Variants in SALL3 observed in about 807,000 individuals in gnomAD.
The protein encoded by SALL3 is spalt like transcription factor 3.
In SALL3, 25 loss-of-function variants were observed where a neutral mutation model predicts 66.2. The ratio of observed to expected loss-of-function variants is 0.38; its 90% CI spans 0.28 to 0.53. The LOEUF (loss-of-function observed/expected upper bound fraction) is 0.53, where lower values mean the gene tolerates loss of function less well. Among genes scored for constraint, SALL3 ranks in the 20% least tolerant of loss-of-function variants. The probability of loss-of-function intolerance (pLI) is 0.85; values close to 1 mark genes in which losing one functional copy is unlikely to be tolerated. For missense variants in SALL3, 2,194 were observed against 1,916.5 expected (o/e 1.14, Z -2.70); for synonymous variants, 1,152 against 899.1 (o/e 1.28, Z -5.03).
rs188333899 is a variant in SALL3 at position 78,988,320 on chromosome 18, G to A, written c.83-3754G>A. Among the ~76,000 whole-genome samples the A allele has an allele frequency of 2.0e-4, 30 of 152,268 alleles. No homozygotes were observed. The East Asian group carries it at 5.2e-3, about 26-fold the overall frequency. On this transcript the variant is annotated intron_variant, in intron 1 of 2. Transcript: ENST00000537592. ...TGCTTGTTATAGACAGCACTTAAACGTAAGTAAATAATGTCAGATTGGCAC... is the reference window on the plus strand; with the variant it reads ...TGCTTGTTATAGACAGCACTTAAACATAAGTAAATAATGTCAGATTGGCAC...
Position 78,992,546 on chromosome 18 carries a change from G to A in SALL3, c.555G>A (p.Ala185=), listed in dbSNP as rs1360907679. The change falls in exon 2 of 3, where the codon GCG becomes GCA. Residue 185 remains alanine (A), a synonymous_variant. Coordinates refer to ENST00000537592, the MANE Select transcript of SALL3 (RefSeq NM_171999.4). ...KVAVAQFSQG[A]RAAGGSGAGG... is the part of the protein sequence containing the mutation. ...CGGTGGCGCAGTTCTCGCAGGGCGC[G>A]CGCGCGGCAGGCGGCTCGGGAGCAG... 7 of 1,497,150 alleles carry A rather than the reference G, an allele frequency of 4.7e-6. No homozygotes were observed. The highest frequency in any genetic ancestry group is 6.2e-6 in the Non-Finnish European group (7 of 1,130,460). 92.7% of individuals were successfully genotyped at this position (1,497,150 alleles called of 1,614,324 possible). A position where few individuals can be genotyped will look rare whatever the true frequency, so the allele number is the denominator to read the frequency against.
At chr18:78,984,357 CTAA>C (rs1215762589) in intron 1 of SALL3, among the ~76,000 whole-genome samples, 1 of 152,216 alleles carries the variant, frequency 6.6e-6, no homozygotes, top group Non-Finnish European at 1.5e-5. Context: ...TTTTTCACTT[CTAA>C]TGAGGATATG....
In SALL3 at chr18:78,997,133, C is replaced by G; in HGVS notation, c.3714C>G (p.Ile1238Met). Residue 1238 changes from isoleucine (I) to methionine (M), a missense_variant, in exon 3 of 3, where the codon ATC becomes ATG. By Grantham distance (10) the Ile-to-Met change is conservative. Coordinates refer to ENST00000537592, the MANE Select transcript of SALL3 (RefSeq NM_171999.4). ...NEISVIQNGG[I>M]PQLPVSLGGS... ...TCTCCGTCATCCAGAACGGCGGCAT[C>G]CCCCAGCTCCCCGTGAGTCTTGGGG... is the stretch of plus-strand genomic sequence containing the variant. 6.2e-7 allele frequency: 1 copy of G among 1,614,030 alleles called. No individual in the cohort carries two copies. The highest frequency in any genetic ancestry group is 8.5e-7 in the Non-Finnish European group (1 of 1,180,034).
chr18:78,989,056 C>G (rs1413085411), intron 1 of SALL3, among the ~76,000 whole-genome samples: 1 of 152,106 alleles, frequency 6.6e-6, no homozygotes, highest in East Asian at 1.9e-4. Flanking sequence ...TAAATGGAAG[C>G]TTATTTTACT....
chr18:78,980,905 A>G (rs1225777865), intron 1 of SALL3, among the ~76,000 whole-genome samples: 1 of 152,040 alleles, frequency 6.6e-6, no homozygotes, highest in African/African-American at 2.4e-5. Flanking sequence ...AGGCGAGGAG[A>G]AGGTCGGGGG....
chr18:78,989,579 C>T (rs1914357641), intron 1 of SALL3, among the ~76,000 whole-genome samples: 1 of 152,104 alleles, frequency 6.6e-6, no homozygotes, highest in South Asian at 2.1e-4. Flanking sequence ...TACACATTCC[C>T]TATAAAGAAA....
At chr18:78,988,100 TATTA>T (rs1310859207) in intron 1 of SALL3, among the ~76,000 whole-genome samples, 1 of 152,224 alleles carries the variant, frequency 6.6e-6, no homozygotes, top group African/African-American at 2.4e-5. Context: ...GTTTAGGCCA[TATTA>T]ATTAATGTAA....
Position 78,993,860 on chromosome 18 carries a change from G to C in SALL3, c.1869G>C (p.Ser623=), listed in dbSNP as rs1273724995. ...VGAQASAAPT[S]VDGAPTSLGS... is the part of the protein sequence containing the mutation. ...CGCAGGCTAGCGCTGCACCCACATC[G>C]GTGGACGGCGCACCCACGAGCCTCG... Residue 623 remains serine (S), a synonymous_variant, in exon 2 of 3, where the codon TCG becomes TCC. Coordinates refer to ENST00000537592, the MANE Select transcript of SALL3 (RefSeq NM_171999.4). 2 of 1,562,428 alleles carry C rather than the reference G, an allele frequency of 1.3e-6. No individual in the cohort carries two copies. The highest frequency in any genetic ancestry group is 1.7e-6 in the Non-Finnish European group (2 of 1,155,700).
rs1432424248 is a variant in SALL3, at chr18:78,992,185, A to C, written c.194A>C (p.Asp65Ala). The change falls in exon 2 of 3, where the codon GAC (aspartate) becomes GCC (alanine). Residue 65 changes from aspartate to alanine, a missense_variant. By Grantham distance (126) the Asp-to-Ala change is moderately radical. Coordinates refer to ENST00000537592, the MANE Select transcript of SALL3 (RefSeq NM_171999.4). ...KCCAEFFKWA[D>A]FLEHQRSCTK... ...TGCGCCGAGTTCTTCAAGTGGGCGG[A>C]CTTCCTGGAGCACCAGCGGAGCTGC... The C allele has an allele frequency of 1.4e-5, 22 of 1,610,286 alleles. No individual in the cohort carries two copies. Among genetic ancestry groups the C allele is most frequent in the Non-Finnish European group, 1.8e-5 (21 of 1,179,106 alleles).
At chr18:78,982,269 C>G (rs911581401) in intron 1 of SALL3, among the ~76,000 whole-genome samples, 10 of 152,148 alleles carry the variant, frequency 6.6e-5, no homozygotes, top group Admixed American at 4.6e-4. Flanking sequence ...TGTTGCTGCT[C>G]GAATTTATTT....
intron 1 of SALL3, among the ~76,000 whole-genome samples, chr18:78,981,682 G>A (rs1034575028): frequency 6.6e-6 from 1 of 152,242 alleles, no homozygotes; most frequent in Non-Finnish European, 1.5e-5. Context: ...AGTCAGCCAA[G>A]ATGAGAACAG....
At chr18:78,988,945 A>G (rs1914337943) in intron 1 of SALL3, among the ~76,000 whole-genome samples, 1 of 152,252 alleles carries the variant, frequency 6.6e-6, no homozygotes, top group African/African-American at 2.4e-5. Context: ...AATCCAGCAT[A>G]GTCTGTTTCC....
At chr18:78,987,736 TCCTAAAAG>T (rs1353428282) in intron 1 of SALL3, among the ~76,000 whole-genome samples, 7 of 152,168 alleles carry the variant, frequency 4.6e-5, no homozygotes, top group Non-Finnish European at 7.4e-5. Flanking sequence ...GGTTGGTACT[TCCTAAAAG>T]TAGCCCTGGC....
chr18:78,982,441 C>T (rs1388693156), intron 1 of SALL3, among the ~76,000 whole-genome samples: 2 of 152,168 alleles, frequency 1.3e-5, no homozygotes, highest in African/African-American at 4.8e-5. Flanking sequence ...GAGTCTTGGT[C>T]GAGCAGCTCA....
In SALL3 at chr18:78,995,092, C is replaced by A. The variant is rs1301632078; in HGVS notation, c.3101C>A (p.Ser1034Tyr). Residue 1034 changes from serine to tyrosine, a missense_variant, in exon 2 of 3, where the codon TCT becomes TAT. Coordinates refer to ENST00000537592, the MANE Select transcript of SALL3 (RefSeq NM_171999.4). Reference sequence around the variant, plus strand: ...ACACACAGATTGAAAGAGCTGCCTTCTCAGTTATTTGACCCCAACTTTGCT... The same window carrying A: ...ACACACAGATTGAAAGAGCTGCCTTATCAGTTATTTGACCCCAACTTTGCT... Reference protein sequence around the residue: ...LLTHRLKELPSQLFDPNFALG... With the variant: ...LLTHRLKELPYQLFDPNFALG... The A allele has an allele frequency of 2.5e-6, 4 of 1,613,914 alleles. No individual in the cohort carries two copies. Among genetic ancestry groups the A allele is most frequent in the Non-Finnish European group, 3.4e-6 (4 of 1,180,040 alleles).
chr18:78,986,083 A>G (rs2146209550), intron 1 of SALL3, among the ~76,000 whole-genome samples: 1 of 152,368 alleles, frequency 6.6e-6, no homozygotes, highest in Non-Finnish European at 1.5e-5. Context: ...GCAACCTTGA[A>G]GTGTAACAAA....
In SALL3 at chr18:78,993,894, G is replaced by A. The variant is rs1327887884; in HGVS notation, c.1903G>A (p.Gly635Arg). The A allele has an allele frequency of 1.8e-5, 28 of 1,585,206 alleles. No homozygotes were observed. Among genetic ancestry groups the A allele is most frequent in the South Asian group, 2.3e-5 (2 of 87,784 alleles). ...DGAPTSLGSP[G>R]LPAVSEQFKA... is the part of the protein sequence containing the mutation. ...CGCACCCACGAGCCTCGGCAGCCCC[G>A]GGCTGCCCGCCGTCTCCGAGCAGTT... Residue 635 changes from glycine to arginine, a missense_variant, in exon 2 of 3, where the codon GGG becomes AGG. Coordinates refer to ENST00000537592, the MANE Select transcript of SALL3 (RefSeq NM_171999.4).
At chr18:78,989,347 T>A (rs564975122) in intron 1 of SALL3, among the ~76,000 whole-genome samples, 5 of 152,320 alleles carry the variant, frequency 3.3e-5, no homozygotes, top group African/African-American at 9.6e-5. Flanking sequence ...AATAGAGATT[T>A]GTTTGGGTCA....
In SALL3 at chr18:78,994,403, C is replaced by T; in HGVS notation, c.2412C>T (p.Ser804=). 3.1e-6 allele frequency: 5 copies of T among 1,613,094 alleles called. No homozygotes were observed. Among genetic ancestry groups the T allele is most frequent in the Non-Finnish European group, 4.2e-6 (5 of 1,179,994 alleles). Residue 804 remains serine (S), a synonymous_variant, in exon 2 of 3, where the codon TCC becomes TCT. Transcript: ENST00000537592. ...SSYDDDMDEN[S]MEDDAELKDA... ...ACGATGACGACATGGACGAGAACTC[C>T]ATGGAGGACGACGCTGAGCTGAAGG... is the stretch of plus-strand genomic sequence containing the variant.
Sources: gnomAD v4.1 joint callset for allele counts (sites outside exome capture counted in the v4.1 genomes callset) on GRCh38, gnomAD v4.1.1 for gene constraint, MANE v1.5 for transcripts, NCBI Gene and HGNC (gene_info 2026-07-23, HGNC 2026-07-21) for gene names.